Variants in NBAS observed in about 807,000 individuals in gnomAD.
NBAS encodes NAG/BC035112 fusion.
Under a neutral mutation model 302.5 loss-of-function variants are expected in NBAS, and 219 were observed. The observed-to-expected ratio is 0.72, with a 90% CI of 0.65 to 0.81. The LOEUF is 0.81. NBAS is among the 30% of genes least tolerant of loss of function. The pLI is 0.00. For missense variants in NBAS, 2,932 were observed against 2,841.6 expected (o/e 1.03, Z -0.72); for synonymous variants, 1,118 against 1,021.6 (o/e 1.09, Z -1.80).
the NBAS span, among the ~76,000 whole-genome samples, chr2:14,829,017 G>T: frequency 6.6e-6 from 1 of 151,830 alleles, no homozygotes; most frequent in South Asian, 2.1e-4. Flanking sequence ...CTGTTTAATT[G>T]CCTGGTGGTG....
At chr2:15,101,368 C>T in the NBAS span, among the ~76,000 whole-genome samples, 4 of 151,710 alleles carry the variant, frequency 2.6e-5, no homozygotes, top group Non-Finnish European at 4.4e-5. Flanking sequence ...GTTATTATCC[C>T]AAACCTTTAA....
At chr2:14,902,011 G>A in the NBAS span, among the ~76,000 whole-genome samples, 1 of 152,224 alleles carries the variant, frequency 6.6e-6, no homozygotes, top group South Asian at 2.1e-4. Flanking sequence ...GAGCTTTTAT[G>A]AGTCACTCAA....
intron 36 of NBAS, 128 bp from the exon 37 acceptor site, chr2:15,328,440 T>C: frequency 3.9e-6 from 3 of 772,088 alleles, no homozygotes; most frequent in East Asian, 2.5e-5. Context: ...AAACTGGTAA[T>C]GCCTGCTGCA....
the NBAS span, among the ~76,000 whole-genome samples, chr2:14,922,314 G>C: frequency 6.6e-6 from 1 of 152,222 alleles, no homozygotes; most frequent in Non-Finnish European, 1.5e-5. Context: ...GTAAAATGGA[G>C]AGATTAGGAA....
intron 47 of NBAS, among the ~76,000 whole-genome samples, chr2:15,225,377 C>T (rs973432915): frequency 6.6e-6 from 1 of 152,124 alleles, no homozygotes; most frequent in African/African-American, 2.4e-5. Flanking sequence ...CAGGAGGGCT[C>T]AACCTCACGA....
rs1669241632 is a variant in NBAS at position 15,269,969 on chromosome 2, C to T, written c.5724+5515G>A. Among the ~76,000 whole-genome samples, 5 of 152,274 alleles carry T rather than the reference C, an allele frequency of 3.3e-5. No homozygotes were observed. The South Asian group carries it at 1.0e-3, about 32-fold the overall frequency. Reference sequence around the variant, plus strand: ...TGTAAGGCTGGATTTTCTTCACCTACTGCAACCAAAACAACAACAGACTGA... The same window carrying T: ...TGTAAGGCTGGATTTTCTTCACCTATTGCAACCAAAACAACAACAGACTGA... On this transcript the variant is annotated intron_variant, in intron 44 of 51. Transcript: ENST00000281513.
Position 15,461,807 on chromosome 2 carries a change from A to C in NBAS, c.2098-16T>G, listed in dbSNP as rs765503654. ...CTAGGATTTCCTGAGGGGAAATTTAATGAAAAGTGATTTAATGAAAAGGCT... is the reference window on the plus strand; with the variant it reads ...CTAGGATTTCCTGAGGGGAAATTTACTGAAAAGTGATTTAATGAAAAGGCT... On this transcript the variant is annotated splice_polypyrimidine_tract_variant and intron_variant, in intron 19 of 51. Coordinates refer to ENST00000281513, the MANE Select transcript of NBAS (RefSeq NM_015909.4). 15 of 1,409,550 alleles carry C rather than the reference A, an allele frequency of 1.1e-5. No homozygotes were observed. Among genetic ancestry groups the C allele is most frequent in the Non-Finnish European group, 1.4e-5 (14 of 996,930 alleles). 87.3% of individuals were successfully genotyped at this position (1,409,550 alleles called of 1,614,324 possible).
chr2:15,111,155 A>G, the NBAS span, among the ~76,000 whole-genome samples: 1 of 152,280 alleles, frequency 6.6e-6, no homozygotes, highest in South Asian at 2.1e-4. Context: ...TACCATAATG[A>G]GAGAAGTTAC....
intron 25 of NBAS, among the ~76,000 whole-genome samples, chr2:15,404,262 C>A (rs76674377): frequency 3.3e-5 from 5 of 152,126 alleles, no homozygotes; most frequent in Non-Finnish European, 7.4e-5. Context: ...AGAGCCTAAA[C>A]TAAGCAAGAC....
chr2:14,840,753 C>T, the NBAS span, among the ~76,000 whole-genome samples: 1 of 152,004 alleles, frequency 6.6e-6, no homozygotes, highest in African/African-American at 2.4e-5. Context: ...TTTACCACCA[C>T]AAGATCCATC....
At chr2:15,444,279 C>T (rs1678604184) in intron 21 of NBAS, among the ~76,000 whole-genome samples, 1 of 152,156 alleles carries the variant, frequency 6.6e-6, no homozygotes, top group Non-Finnish European at 1.5e-5. Context: ...GTAACCAAAA[C>T]AGCATGGTAT....
the NBAS span, among the ~76,000 whole-genome samples, chr2:15,025,368 C>T: frequency 6.6e-6 from 1 of 152,152 alleles, no homozygotes; most frequent in South Asian, 2.1e-4. Context: ...GTTACCATTG[C>T]CTTGCAGTAC....
intron 21 of NBAS, among the ~76,000 whole-genome samples, chr2:15,459,503 C>CTTTTTTTTTTTTTTTTTTTTTTTTTTT (rs66914120): frequency 7.1e-6 from 1 of 141,388 alleles, no homozygotes. Flanking sequence ...AGCATTTTTT[C>CTTTTTTTTTTTTTTTTTTTTTTTTTTT]TTTTTTTTTG....
In NBAS at chr2:15,353,558, T is replaced by C. The variant is rs1325129201; in HGVS notation, c.4084A>G (p.Thr1362Ala). The C allele has an allele frequency of 1.9e-6, 3 of 1,613,926 alleles. No individual in the cohort carries two copies. The highest frequency in any genetic ancestry group is 2.5e-6 in the Non-Finnish European group (3 of 1,179,944). Residue 1362 changes from threonine (T) to alanine (A), a missense_variant, in exon 34 of 52, where the codon ACA (threonine) becomes GCA (alanine). Transcript: ENST00000281513. ...TCCTTTATCGAAGGACTTACTTCTG[T>C]CTGCAGAGAGCTGCTAGCTGCCAAA... ...LLLAASSSLQ[T>A]EILYQRVNFQ...
chr2:15,431,002 T>C (rs1460816391), intron 21 of NBAS, among the ~76,000 whole-genome samples: 1 of 151,708 alleles, frequency 6.6e-6, no homozygotes, highest in Non-Finnish European at 1.5e-5. Context: ...AGAGACAGTT[T>C]CACCATATCA....
the NBAS span, among the ~76,000 whole-genome samples, chr2:15,010,192 A>C: frequency 2.0e-4 from 30 of 152,304 alleles, no homozygotes; most frequent in Admixed American, 3.3e-4. Flanking sequence ...AAACAGGAAG[A>C]ATTGTCTTCT....
At chr2:15,270,254 T>C (rs1669254987) in intron 44 of NBAS, among the ~76,000 whole-genome samples, 1 of 152,194 alleles carries the variant, frequency 6.6e-6, no homozygotes, top group Admixed American at 6.5e-5. Context: ...AGCCTCCGAC[T>C]CCCTGGTTCA....
At chr2:15,435,885 T>A (rs989954312) in intron 21 of NBAS, among the ~76,000 whole-genome samples, 1 of 152,180 alleles carries the variant, frequency 6.6e-6, no homozygotes, top group Non-Finnish European at 1.5e-5. Flanking sequence ...TATTCTCTGA[T>A]AAATACCCCT....
At chr2:14,895,598 G>A in the NBAS span, among the ~76,000 whole-genome samples, 1 of 152,160 alleles carries the variant, frequency 6.6e-6, no homozygotes, top group Non-Finnish European at 1.5e-5. Flanking sequence ...AATTAGCCGG[G>A]TGTGGTAGCG....
Sources: allele counts gnomAD v4.1 joint callset (sites outside exome capture counted in the v4.1 genomes callset), GRCh38; gene constraint gnomAD v4.1.1; transcripts MANE v1.5; gene names NCBI Gene and HGNC (gene_info 2026-07-23, HGNC 2026-07-21).